NRG3: variants seen among roughly 807,000 people sequenced by gnomAD.
The protein encoded by NRG3 is pro-neuregulin-3, membrane-bound isoform.
Under a neutral mutation model 66.9 loss-of-function variants are expected in NRG3, and 31 were observed. That is an observed-to-expected ratio of 0.46 (90% CI 0.35 to 0.63). The LOEUF is 0.63. NRG3 is among the 20% of genes least tolerant of loss of function. The pLI, the probability that NRG3 is intolerant of heterozygous loss-of-function variation, is 0.00. For missense variants in NRG3, 910 were observed against 878.9 expected (o/e 1.04, Z -0.45); for synonymous variants, 393 against 359.4 (o/e 1.09, Z -1.06).
chr10:82,096,442 C>G (rs2066350092), intron 1 of NRG3, among the ~76,000 whole-genome samples: 1 of 152,084 alleles, frequency 6.6e-6, no homozygotes. Context: ...CACTCCTGCA[C>G]TCCAGCCTGG....
chr10:82,373,571 C>T (rs1211074014), intron 2 of NRG3, among the ~76,000 whole-genome samples: 1 of 152,172 alleles, frequency 6.6e-6, no homozygotes, highest in African/African-American at 2.4e-5. Context: ...GGTAGCTCCA[C>T]TGCTGGAGGA....
chr10:82,351,042 C>G (rs1564826863), intron 1 of NRG3, among the ~76,000 whole-genome samples: 1 of 152,136 alleles, frequency 6.6e-6, no homozygotes, highest in Non-Finnish European at 1.5e-5. Context: ...CAGGCGCCCG[C>G]CACCATGCCT....
chr10:82,177,264 C>T (rs2073104708), intron 1 of NRG3, among the ~76,000 whole-genome samples: 1 of 151,564 alleles, frequency 6.6e-6, no homozygotes, highest in African/African-American at 2.4e-5. Flanking sequence ...GTTTTTTAAT[C>T]TAAGGAGAAA....
chr10:82,035,251 G>A (rs1168669216), intron 1 of NRG3, among the ~76,000 whole-genome samples: 1 of 152,120 alleles, frequency 6.6e-6, no homozygotes, highest in African/African-American at 2.4e-5. Context: ...TTGAACAGAT[G>A]TGTGTCAATG....
chr10:82,055,025 C>CAAAA (rs2063768023), intron 1 of NRG3, among the ~76,000 whole-genome samples: 1 of 142,498 alleles, frequency 7.0e-6, no homozygotes, highest in African/African-American at 2.6e-5. Context: ...TAAAACAAAT[C>CAAAA]AAAGAAAGAA....
At chr10:82,106,121 C>T (rs1163149512) in intron 1 of NRG3, among the ~76,000 whole-genome samples, 1 of 152,068 alleles carries the variant, frequency 6.6e-6, no homozygotes, top group African/African-American at 2.4e-5. Context: ...CATAGACCAA[C>T]ACTGCAGCCT....
intron 1 of NRG3, among the ~76,000 whole-genome samples, chr10:82,203,388 G>C (rs1338901379): frequency 6.6e-6 from 1 of 152,132 alleles, no homozygotes; most frequent in Non-Finnish European, 1.5e-5. Flanking sequence ...AGCTTGGTTT[G>C]AGTTTGCATA....
At chr10:82,124,563 C>T (rs912290565) in intron 1 of NRG3, among the ~76,000 whole-genome samples, 2 of 151,334 alleles carry the variant, frequency 1.3e-5, no homozygotes, top group East Asian at 2.0e-4. Context: ...CGGGGCCTGT[C>T]GGGGGGTGGA....
intron 1 of NRG3, among the ~76,000 whole-genome samples, chr10:82,162,103 G>A (rs1416503028): frequency 6.6e-6 from 1 of 152,098 alleles, no homozygotes; most frequent in Non-Finnish European, 1.5e-5. Context: ...TGTTCTTGAA[G>A]AGAGAATAGG....
At chr10:81,929,384 A>G (rs1454246491) in intron 1 of NRG3, among the ~76,000 whole-genome samples, 3 of 152,204 alleles carry the variant, frequency 2.0e-5, no homozygotes, top group African/African-American at 7.2e-5. Flanking sequence ...AGAAACATCT[A>G]TGAAAGATGC....
intron 4 of NRG3, among the ~76,000 whole-genome samples, chr10:82,885,679 T>C (rs1252211794): frequency 6.6e-6 from 1 of 152,142 alleles, no homozygotes; most frequent in Non-Finnish European, 1.5e-5. Flanking sequence ...GTTTGAGGTA[T>C]TGAAGAATTG....
intron 1 of NRG3, among the ~76,000 whole-genome samples, chr10:81,955,393 G>A (rs1849731839): frequency 6.6e-6 from 1 of 151,940 alleles, no homozygotes; most frequent in South Asian, 2.1e-4. Flanking sequence ...TCCTCTGGGA[G>A]GCCAAGTTGT....
chr10:82,718,497 G>A (rs993390209), intron 2 of NRG3, among the ~76,000 whole-genome samples: 2 of 152,106 alleles, frequency 1.3e-5, no homozygotes, highest in Non-Finnish European at 2.9e-5. Flanking sequence ...TGATTTAAAA[G>A]TTTTTCAATT....
chr10:81,991,811 A>C (rs537208089), intron 1 of NRG3, among the ~76,000 whole-genome samples: 2 of 152,166 alleles, frequency 1.3e-5, no homozygotes, highest in African/African-American at 2.4e-5. Context: ...AAGTAAAATA[A>C]TATCTATCAC....
chr10:82,502,865 G>A (rs1183774851), intron 2 of NRG3, among the ~76,000 whole-genome samples: 3 of 152,146 alleles, frequency 2.0e-5, no homozygotes, highest in Admixed American at 1.3e-4. Flanking sequence ...CTCTGAATCA[G>A]ACAATTCTAG....
At chr10:82,240,110 A>C (rs1443671826) in intron 1 of NRG3, among the ~76,000 whole-genome samples, 4 of 152,106 alleles carry the variant, frequency 2.6e-5, no homozygotes, top group African/African-American at 9.7e-5. Flanking sequence ...TTTAGCCTAG[A>C]GTTCTCGTTG....
chr10:82,623,323 T>C (rs1019791788), intron 2 of NRG3, among the ~76,000 whole-genome samples: 1 of 152,186 alleles, frequency 6.6e-6, no homozygotes, highest in Admixed American at 6.5e-5. Flanking sequence ...CATCAAGTCA[T>C]AAAAGTGTGC....
chr10:82,178,691 A>C (rs1182725187), intron 1 of NRG3, among the ~76,000 whole-genome samples: 2 of 152,118 alleles, frequency 1.3e-5, no homozygotes, highest in Non-Finnish European at 2.9e-5. Context: ...GAGTGCAGAT[A>C]TCTCTCTTTG....
At chr10:82,676,652 T>C (rs1249245061) in intron 2 of NRG3, among the ~76,000 whole-genome samples, 1 of 151,974 alleles carries the variant, frequency 6.6e-6, no homozygotes, top group African/African-American at 2.4e-5. Flanking sequence ...CCTGGCTAAT[T>C]TTTGTATTTT....
Sources: allele counts gnomAD v4.1 joint callset (sites outside exome capture counted in the v4.1 genomes callset), GRCh38; gene constraint gnomAD v4.1.1; transcripts MANE v1.5; gene names NCBI Gene and HGNC (gene_info 2026-07-23, HGNC 2026-07-21).